PTH2R: variants seen among roughly 807,000 people sequenced by gnomAD.
The protein encoded by PTH2R is parathyroid hormone 2 receptor, also known as PTH2 receptor.
Under a neutral mutation model 60.3 loss-of-function variants are expected in PTH2R, and 59 were observed. That is an observed-to-expected ratio of 0.98 (90% CI 0.79 to 1.22). The LOEUF is 1.22. Among genes scored for constraint, PTH2R ranks in the 50% most tolerant of loss-of-function variants. The pLI is 0.00. For missense variants in PTH2R, 749 were observed against 682.6 expected (o/e 1.10, Z -1.08); for synonymous variants, 256 against 243.8 (o/e 1.05, Z -0.47).
upstream of PTH2R, among the ~76,000 whole-genome samples, chr2:208,403,326 C>G (rs1052477569): frequency 1.3e-5 from 2 of 152,092 alleles, no homozygotes; most frequent in Admixed American, 1.3e-4. Context: ...ATGATTTTTT[C>G]ACATACTAAA....
chr2:208,407,104 C>A lies in PTH2R; in HGVS notation c.61C>A (p.Leu21Met). 1 of 1,394,812 alleles carries A rather than the reference C, an allele frequency of 7.2e-7. No homozygotes were observed. Among genetic ancestry groups the A allele is most frequent in the South Asian group, 1.9e-5 (1 of 53,332 alleles). 86.4% of individuals were successfully genotyped at this position (1,394,812 alleles called of 1,614,324 possible). The change falls in exon 1 of 13, where the codon CTG becomes ATG. Residue 21 changes from leucine (L) to methionine (M), a missense_variant. Coordinates refer to ENST00000272847, the MANE Select transcript of PTH2R (RefSeq NM_005048.4). ...WGWLMLGSCL[L>M]ARAQLDSDGT... ...TTGGCTAATGCTCGGCAGCTGCCTC[C>A]TGGCCAGAGCCCAGGTAAGAGCCAG... is the stretch of plus-strand genomic sequence containing the variant.
At chr2:208,388,362 G>A (rs929292134) in intron 1 of PTH2R, among the ~76,000 whole-genome samples, 3 of 151,906 alleles carry the variant, frequency 2.0e-5, no homozygotes, top group Non-Finnish European at 2.9e-5. Flanking sequence ...CAATGGCATC[G>A]ATCCCAACAC....
At chr2:208,467,999 C>T (rs1408119890) in intron 9 of PTH2R, among the ~76,000 whole-genome samples, 3 of 152,120 alleles carry the variant, frequency 2.0e-5, no homozygotes, top group Admixed American at 1.3e-4. Flanking sequence ...GGCCTCACAC[C>T]GTCTCCTATG....
At chr2:208,370,442 C>CAAAAAAA (rs71041305) in intron 1 of PTH2R, among the ~76,000 whole-genome samples, 4 of 61,638 alleles carry the variant, frequency 6.5e-5, no homozygotes, top group African/African-American at 2.7e-4. Context: ...GACTCCGTCT[C>CAAAAAAA]AAAAAAAAAA....
At chr2:208,419,283 A>AT (rs1344932535) in intron 1 of PTH2R, among the ~76,000 whole-genome samples, 1 of 152,048 alleles carries the variant, frequency 6.6e-6, no homozygotes, top group African/African-American at 2.4e-5. Context: ...GATGCTGAGC[A>AT]TTTTTTCATG....
chr2:208,452,639 C>T (rs1184030667), intron 8 of PTH2R, among the ~76,000 whole-genome samples: 2 of 152,038 alleles, frequency 1.3e-5, no homozygotes, highest in Non-Finnish European at 2.9e-5. Flanking sequence ...TCAGTGATAA[C>T]GACAGCAAAT....
intron 1 of PTH2R, among the ~76,000 whole-genome samples, chr2:208,393,686 C>T (rs1260700445): frequency 1.3e-5 from 2 of 152,232 alleles, no homozygotes; most frequent in South Asian, 2.1e-4. Context: ...AGCAACATAA[C>T]ATCCCTCCGT....
chr2:208,403,488 A>T (rs1701346709), upstream of PTH2R, among the ~76,000 whole-genome samples: 1 of 152,216 alleles, frequency 6.6e-6, no homozygotes, highest in African/African-American at 2.4e-5. Context: ...TTTGGACAGG[A>T]TTAAATCCTG....
chr2:208,394,082 C>A (rs1010188354), intron 1 of PTH2R, among the ~76,000 whole-genome samples: 4 of 152,162 alleles, frequency 2.6e-5, no homozygotes, highest in African/African-American at 9.7e-5. Context: ...TCTGAGTTGT[C>A]TTGAGGGGCA....
chr2:208,378,508 G>A (rs976897318), intron 1 of PTH2R, among the ~76,000 whole-genome samples: 2 of 152,056 alleles, frequency 1.3e-5, no homozygotes, highest in African/African-American at 4.8e-5. Flanking sequence ...CAGAGTGGTG[G>A]TATTAGGAAG....
chr2:208,367,357 T>C (rs1700612592), intron 1 of PTH2R, among the ~76,000 whole-genome samples: 1 of 151,966 alleles, frequency 6.6e-6, no homozygotes, highest in Non-Finnish European at 1.5e-5. Context: ...ATTACAGATG[T>C]GAGCCACTGC....
At chr2:208,408,766 A>AGAGAGAGAGAGAGAGAGAGAGAG (rs58836876) in intron 1 of PTH2R, among the ~76,000 whole-genome samples, 13 of 109,504 alleles carry the variant, frequency 1.2e-4, no homozygotes, top group African/African-American at 5.2e-4. Context: ...GAGAGAGAGA[A>AGAGAGAGAGAGAGAGAGAGAGAG]ATAAATAATA....
intron 1 of PTH2R, among the ~76,000 whole-genome samples, chr2:208,390,871 T>C (rs942556006): frequency 6.6e-6 from 1 of 152,232 alleles, no homozygotes; most frequent in Non-Finnish European, 1.5e-5. Context: ...CTGAGTACGA[T>C]GAGTAGTTCT....
At position 208,444,880 on chromosome 2, in the gene PTH2R, A is replaced by G; in HGVS notation, c.846A>G (p.Ile282Met). Residue 282 changes from isoleucine to methionine, a missense_variant, in exon 7 of 13, where the codon ATA becomes ATG. Transcript: ENST00000272847. ...DTKYLWGFIL[I>M]GWGFPAAFVA... ...AATACCTGTGGGGCTTCATCTTGAT[A>G]GGCTGGGGTAAGACATTTATATCTC... 1 of 1,612,836 alleles carries G rather than the reference A, an allele frequency of 6.2e-7. No homozygotes were observed. The highest frequency in any genetic ancestry group is 8.5e-7 in the Non-Finnish European group (1 of 1,179,364).
At chr2:208,486,386 C>G (rs1336281743) in intron 10 of PTH2R, among the ~76,000 whole-genome samples, 1 of 152,142 alleles carries the variant, frequency 6.6e-6, no homozygotes, top group Non-Finnish European at 1.5e-5. Flanking sequence ...TTGCCTAAAG[C>G]AAATTTTCCT....
intron 8 of PTH2R, among the ~76,000 whole-genome samples, chr2:208,459,334 T>C (rs768140012): frequency 6.6e-6 from 1 of 152,156 alleles, no homozygotes; most frequent in Non-Finnish European, 1.5e-5. Flanking sequence ...AACTACTCAA[T>C]ATTTACAGGA....
intron 1 of PTH2R, among the ~76,000 whole-genome samples, chr2:208,401,554 T>A (rs1468795655): frequency 6.6e-6 from 1 of 152,066 alleles, no homozygotes; most frequent in African/African-American, 2.4e-5. Flanking sequence ...TCCTGTGTAT[T>A]TTTTTTAAAC....
intron 1 of PTH2R, among the ~76,000 whole-genome samples, chr2:208,385,771 T>C (rs1183588399): frequency 6.6e-6 from 1 of 152,246 alleles, no homozygotes; most frequent in African/African-American, 2.4e-5. Context: ...AAAGGACCTG[T>C]GAAGACTTAG....
At chr2:208,424,046 G>A (rs1232490564) in intron 1 of PTH2R, among the ~76,000 whole-genome samples, 1 of 152,148 alleles carries the variant, frequency 6.6e-6, no homozygotes, top group African/African-American at 2.4e-5. Context: ...GGCCTCCACT[G>A]TCACCACAAT....
Sources: allele counts gnomAD v4.1 joint callset (sites outside exome capture counted in the v4.1 genomes callset), GRCh38; gene constraint gnomAD v4.1.1; transcripts MANE v1.5; gene names NCBI Gene and HGNC (gene_info 2026-07-23, HGNC 2026-07-21).